Variants in LRRC7 observed in about 807,000 individuals in gnomAD.
The protein encoded by LRRC7 is leucine rich repeat containing 7, also known as leucine-rich repeat-containing protein 7.
LRRC7 carries 23 observed loss-of-function variants against 175.7 expected under a neutral mutation model. The observed-to-expected ratio is 0.13, with a 90% confidence interval of 0.09 to 0.19. LRRC7 has a LOEUF of 0.19. Among genes scored for constraint, LRRC7 ranks in the 10% least tolerant of loss-of-function variants. LRRC7 has a pLI of 1.00. For synonymous variants in LRRC7, 685 were observed against 680.9 expected (o/e 1.01, Z -0.09); for missense variants, 1,354 against 1,904.7 (o/e 0.71, Z 5.38).
At chr1:70,019,040 T>C (rs1332742908) in intron 15 of LRRC7, among the ~76,000 whole-genome samples, 1 of 152,056 alleles carries the variant, frequency 6.6e-6, no homozygotes, top group Admixed American at 6.6e-5. Context: ...CTTTATATCT[T>C]ACATAAAAAT....
At chr1:69,825,881 G>C in intron 5 of LRRC7, 55 bp downstream of exon 5, 8 of 1,123,100 alleles carry the variant, frequency 7.1e-6, no homozygotes, top group Non-Finnish European at 7.7e-6. Context: ...GTATAATAAT[G>C]TACCTAAATA....
At chr1:69,716,295 C>G in intron 2 of LRRC7, 1 of 413,270 alleles carries the variant, frequency 2.4e-6, no homozygotes, top group Non-Finnish European at 4.4e-6. Context: ...CTATAATTAC[C>G]AAATAGTCTT....
At chr1:69,899,099 G>T (rs1425564968) in intron 7 of LRRC7, among the ~76,000 whole-genome samples, 1 of 152,238 alleles carries the variant, frequency 6.6e-6, no homozygotes. Context: ...TGAGCAGAAG[G>T]AATGGAAAGG....
intron 2 of LRRC7, among the ~76,000 whole-genome samples, chr1:69,680,374 C>G (rs1035766472): frequency 2.6e-5 from 4 of 152,050 alleles, no homozygotes; most frequent in Non-Finnish European, 5.9e-5. Flanking sequence ...TTATTGTTCT[C>G]TAATATAAAG....
In LRRC7 at chr1:70,142,851, T is replaced by C. The variant is rs1667119199; in HGVS notation, c.*20964T>C. On this transcript the variant is annotated 3_prime_UTR_variant, in exon 27 of 27. Coordinates refer to ENST00000651989, the MANE Select transcript of LRRC7 (RefSeq NM_001370785.2). Reference sequence around the variant, plus strand: ...AGGAAGACAGTGGTAGGTTTTCAGATGGTTTGTTAAGAATTATATGTAAAA... The same window carrying C: ...AGGAAGACAGTGGTAGGTTTTCAGACGGTTTGTTAAGAATTATATGTAAAA... 1 of 152,092 alleles carries C rather than the reference T, an allele frequency of 6.6e-6. No individual in the cohort carries two copies. The highest frequency in any genetic ancestry group is 6.6e-5 in the Admixed American group (1 of 15,260). The allele number at this position is 152,092 out of a possible 1,614,324, so 9.4% of individuals were successfully genotyped here.
intron 11 of LRRC7, among the ~76,000 whole-genome samples, chr1:70,000,598 T>G (rs1298390740): frequency 1.3e-5 from 2 of 152,186 alleles, no homozygotes; most frequent in African/African-American, 4.8e-5. Flanking sequence ...ACACTGGCCC[T>G]TCTCCTGTGC....
chr1:69,850,331 G>A (rs1570317863), intron 7 of LRRC7, among the ~76,000 whole-genome samples: 1 of 152,026 alleles, frequency 6.6e-6, no homozygotes, highest in South Asian at 2.1e-4. Flanking sequence ...AAGGACAGTG[G>A]GGTAAATTTA....
chr1:69,618,927 G>A (rs1650105059), intron 1 of LRRC7, among the ~76,000 whole-genome samples: 1 of 152,166 alleles, frequency 6.6e-6, no homozygotes, highest in Admixed American at 6.6e-5. Context: ...TTAGCTTAAT[G>A]ACCAATATTT....
At chr1:69,946,749 T>C (rs954480204) in intron 8 of LRRC7, among the ~76,000 whole-genome samples, 7 of 152,052 alleles carry the variant, frequency 4.6e-5, no homozygotes, top group African/African-American at 1.7e-4. Flanking sequence ...TGGAATATCT[T>C]TTTTCATCCA....
intron 7 of LRRC7, among the ~76,000 whole-genome samples, chr1:69,866,627 C>T (rs562049914): frequency 6.6e-6 from 1 of 152,250 alleles, no homozygotes; most frequent in South Asian, 2.1e-4. Flanking sequence ...TCAGAACATT[C>T]TTAAACATCA....
At chr1:70,090,317 A>G (rs929136672) in intron 25 of LRRC7, among the ~76,000 whole-genome samples, 1 of 152,150 alleles carries the variant, frequency 6.6e-6, no homozygotes, top group Non-Finnish European at 1.5e-5. Context: ...TTGAGAAACC[A>G]CAGAAAACAA....
intron 2 of LRRC7, among the ~76,000 whole-genome samples, chr1:69,679,966 T>C (rs1300866734): frequency 6.6e-6 from 1 of 152,122 alleles, no homozygotes; most frequent in Non-Finnish European, 1.5e-5. Flanking sequence ...TATGCACAAC[T>C]GATTTTGCAC....
At chr1:69,884,841 G>C (rs1437115563) in intron 7 of LRRC7, among the ~76,000 whole-genome samples, 146 of 142,020 alleles carry the variant, frequency 1.0e-3, no homozygotes, top group African/African-American at 3.9e-3. Flanking sequence ...TTTGAATTTT[G>C]TCAAAGGCTT....
intron 24 of LRRC7, among the ~76,000 whole-genome samples, chr1:70,084,447 G>A (rs1663452324): frequency 6.6e-6 from 1 of 152,116 alleles, no homozygotes; most frequent in Admixed American, 6.6e-5. Context: ...CTTTCACTTA[G>A]CATAAGGAAC....
chr1:69,996,261 T>G lies in LRRC7; in HGVS notation c.1004+1628T>G, dbSNP rs1317401719. The stretch of plus-strand genomic sequence containing the variant: ...TTTTTGATGGGGTTGTTTGTTTTTT[T>G]CTAGTAAATTCGTTGGAGTTCATTG... On this transcript the variant is annotated intron_variant, in intron 11 of 26. Transcript: ENST00000651989. Among the ~76,000 whole-genome samples the G allele has an allele frequency of 3.3e-5, 5 of 152,186 alleles. No homozygotes were observed. In the East Asian group the frequency reaches 9.6e-4, roughly 29 times the overall value.
At chr1:69,718,629 A>C (rs1011686706) in intron 2 of LRRC7, among the ~76,000 whole-genome samples, 1 of 151,814 alleles carries the variant, frequency 6.6e-6, no homozygotes, top group Admixed American at 6.6e-5. Flanking sequence ...TACTGAGTGA[A>C]AAGGAAACAT....
At chr1:69,945,193 G>A (rs1352287599) in intron 8 of LRRC7, among the ~76,000 whole-genome samples, 1 of 152,046 alleles carries the variant, frequency 6.6e-6, no homozygotes, top group Non-Finnish European at 1.5e-5. Flanking sequence ...CATATGGGGT[G>A]GAATAATGGT....
At chr1:69,723,428 C>T (rs891082962) in intron 2 of LRRC7, among the ~76,000 whole-genome samples, 1 of 152,126 alleles carries the variant, frequency 6.6e-6, no homozygotes, top group Non-Finnish European at 1.5e-5. Context: ...GAAAGGCATA[C>T]AGCTGATTTT....
At chr1:69,992,757 G>A (rs1035502462) in intron 10 of LRRC7, among the ~76,000 whole-genome samples, 1 of 152,162 alleles carries the variant, frequency 6.6e-6, no homozygotes, top group South Asian at 2.1e-4. Context: ...AAAGTTTCTT[G>A]TGAGAGCCAC....
Sources: allele counts gnomAD v4.1 joint callset (sites outside exome capture counted in the v4.1 genomes callset), GRCh38; gene constraint gnomAD v4.1.1; transcripts MANE v1.5; gene names NCBI Gene and HGNC (gene_info 2026-07-23, HGNC 2026-07-21).